CTNNA2: variants seen among roughly 807,000 people sequenced by gnomAD.
CTNNA2 encodes catenin alpha-2.
In CTNNA2, 42 loss-of-function variants were observed where a neutral mutation model predicts 101.0. The observed-to-expected ratio is 0.42, with a 90% confidence interval of 0.32 to 0.54. CTNNA2 has a LOEUF of 0.54. Among genes scored for constraint, CTNNA2 ranks in the 20% least tolerant of loss-of-function variants. CTNNA2 has a pLI of 0.14. For synonymous variants in CTNNA2, 450 were observed against 456.4 expected (o/e 0.99, Z 0.18); for missense variants, 871 against 1,223.1 (o/e 0.71, Z 4.29).
intron 7 of CTNNA2, among the ~76,000 whole-genome samples, chr2:80,335,265 C>G (rs569235695): frequency 1.9e-4 from 29 of 152,274 alleles, no homozygotes; most frequent in African/African-American, 7.0e-4. Context: ...AATGTGTTAC[C>G]TACTCCAGGA....
At chr2:80,573,329 G>A (rs1019375444) in intron 12 of CTNNA2, 2 of 152,188 alleles carry the variant, frequency 1.3e-5, no homozygotes, top group Admixed American at 1.3e-4. Context: ...TAGGGTGTGT[G>A]CAGGATCCCT....
intron 7 of CTNNA2, among the ~76,000 whole-genome samples, chr2:80,346,555 A>G (rs965740435): frequency 6.6e-6 from 1 of 152,218 alleles, no homozygotes; most frequent in East Asian, 1.9e-4. Context: ...GGGTGGGGAC[A>G]AATATCCAAA....
chr2:79,559,733 A>G (rs188376440), intron 1 of CTNNA2, among the ~76,000 whole-genome samples: 67 of 151,988 alleles, frequency 4.4e-4, no homozygotes, highest in African/African-American at 1.4e-3. Context: ...ATTCTACAGG[A>G]GCTTGGAAAA....
chr2:79,921,602 G>A (rs1558643461), intron 7 of CTNNA2, among the ~76,000 whole-genome samples: 1 of 152,100 alleles, frequency 6.6e-6, no homozygotes, highest in Non-Finnish European at 1.5e-5. Context: ...TTTATAAAAG[G>A]TCATTTTTTA....
intron 7 of CTNNA2, among the ~76,000 whole-genome samples, chr2:80,100,464 G>T (rs1206715918): frequency 1.3e-5 from 2 of 152,102 alleles, no homozygotes; most frequent in Non-Finnish European, 2.9e-5. Flanking sequence ...CCACCATCTT[G>T]CCTGTCCTTC....
At position 80,071,431 on chromosome 2, in the gene CTNNA2, A is replaced by G. The variant is rs72924649; in HGVS notation, c.1056+161634A>G. Among the ~76,000 whole-genome samples, 751 of 152,322 alleles carry G rather than the reference A, an allele frequency of 4.9e-3. 6 individuals are homozygous for G. The highest frequency in any genetic ancestry group is 0.017 in the African/African-American group (718 of 41,582). ...ATGTAGATTTGGTTACCCATTCAGA[A>G]ATTGCCATCTCACATGTTTAATCAA... On this transcript the variant is annotated intron_variant, in intron 7 of 18. Transcript: ENST00000402739.
At chr2:80,532,394 A>G (rs932079552) in intron 9 of CTNNA2, among the ~76,000 whole-genome samples, 10 of 152,184 alleles carry the variant, frequency 6.6e-5, no homozygotes, top group Non-Finnish European at 1.2e-4. Context: ...TGCACTGTAG[A>G]GGCTATGTGC....
chr2:79,870,018 C>T (rs1682463729), intron 5 of CTNNA2, 83 bp downstream of exon 5: 5 of 1,493,262 alleles, frequency 3.3e-6, no homozygotes, highest in Middle Eastern at 1.8e-4. Flanking sequence ...AACAATGGAT[C>T]AACTGCATCT....
chr2:80,132,359 C>G (rs1403782380), intron 7 of CTNNA2, among the ~76,000 whole-genome samples: 3 of 152,094 alleles, frequency 2.0e-5, no homozygotes, highest in Non-Finnish European at 4.4e-5. Context: ...CCATCTGTTT[C>G]AAAGTTTCTT....
chr2:79,378,499 A>C (rs571695497), intron 4 of CTNNA2, among the ~76,000 whole-genome samples: 1 of 152,182 alleles, frequency 6.6e-6, no homozygotes, highest in Non-Finnish European at 1.5e-5. Flanking sequence ...GCATCCAAAG[A>C]CATAGTTTCC....
intron 7 of CTNNA2, among the ~76,000 whole-genome samples, chr2:79,919,735 G>C (rs149577372): frequency 6.6e-6 from 1 of 152,264 alleles, no homozygotes; most frequent in African/African-American, 2.4e-5. Context: ...CTGAACGCTG[G>C]ATCTCTCGTT....
intron 2 of CTNNA2, among the ~76,000 whole-genome samples, chr2:79,290,122 C>CG (rs1238508885): frequency 6.6e-6 from 1 of 152,200 alleles, no homozygotes; most frequent in Non-Finnish European, 1.5e-5. Flanking sequence ...ACCGTAGGCT[C>CG]TTAATTTGTG....
At chr2:80,429,991 A>T (rs1339938768) in intron 9 of CTNNA2, among the ~76,000 whole-genome samples, 1 of 152,236 alleles carries the variant, frequency 6.6e-6, no homozygotes, top group Non-Finnish European at 1.5e-5. Flanking sequence ...TATAAAGCGT[A>T]GAGCCATGAT....
intron 3 of CTNNA2, among the ~76,000 whole-genome samples, chr2:79,815,081 G>A (rs1677379388): frequency 6.6e-6 from 1 of 152,086 alleles, no homozygotes; most frequent in African/African-American, 2.4e-5. Flanking sequence ...CTTCTTTGGA[G>A]AGTTGTCTAT....
intron 7 of CTNNA2, among the ~76,000 whole-genome samples, chr2:80,076,848 A>G (rs984271195): frequency 6.6e-6 from 1 of 152,100 alleles, no homozygotes; most frequent in Non-Finnish European, 1.5e-5. Context: ...GATTGAGACC[A>G]TTCTGGCTAA....
At chr2:80,569,633 G>GTTTTTTTGTTTTTTTTTTTTTTTTTTTT (rs1694378124) in intron 12 of CTNNA2, among the ~76,000 whole-genome samples, 1 of 51,718 alleles carries the variant, frequency 1.9e-5, no homozygotes, top group Non-Finnish European at 3.9e-5. Flanking sequence ...GGGTATTTAG[G>GTTTTTTTGTTTTTTTTTTTTTTTTTTTT]TTTTTTTTTT....
Position 79,866,707 on chromosome 2 carries a change from T to C in CTNNA2, c.466-3109T>C, listed in dbSNP as rs560292925. ...CTTTATCTTCAAAATTATTAAGGCA[T>C]TTTTCCCCCATGCAGCAAGTTGGTG... On this transcript the variant is annotated intron_variant, in intron 4 of 18. Coordinates refer to ENST00000402739, the MANE Select transcript of CTNNA2 (RefSeq NM_001282597.3). 7 of 152,270 alleles carry C rather than the reference T, an allele frequency of 4.6e-5. No individual in the cohort carries two copies. In the East Asian group the frequency reaches 7.7e-4, roughly 17 times the overall value. The allele number at this position is 152,270 out of a possible 1,614,324, so 9.4% of individuals were successfully genotyped here. A position where few individuals can be genotyped will look rare whatever the true frequency, so the allele number is the denominator to read the frequency against.
intron 12 of CTNNA2, among the ~76,000 whole-genome samples, chr2:80,556,205 G>C (rs1343592714): frequency 6.6e-6 from 1 of 152,104 alleles, no homozygotes; most frequent in Admixed American, 6.6e-5. Flanking sequence ...ATAATTTTAT[G>C]ACTTGAGAAA....
At chr2:80,152,522 T>C (rs11683011) in intron 7 of CTNNA2, among the ~76,000 whole-genome samples, 20,331 of 152,026 alleles carry the variant, frequency 0.13, 3,369 homozygotes, top group African/African-American at 0.39. Context: ...GAAGTTTGTT[T>C]GTTTTTCATT....
Sources: gnomAD v4.1 joint callset for allele counts (sites outside exome capture counted in the v4.1 genomes callset) on GRCh38, gnomAD v4.1.1 for gene constraint, MANE v1.5 for transcripts, NCBI Gene and HGNC (gene_info 2026-07-23, HGNC 2026-07-21) for gene names.